Variants in TOP6BL observed in about 807,000 individuals in gnomAD.
TOP6BL encodes TOP6B like initiator of meiotic double strand breaks, also known as type 2 DNA topoisomerase 6 subunit B-like.
chr11:66,786,183 A>G, the TOP6BL span, among the ~76,000 whole-genome samples: 1 of 152,100 alleles, frequency 6.6e-6, no homozygotes, highest in Non-Finnish European at 1.5e-5. Flanking sequence ...CTGTGATCCT[A>G]CTTACTCAGG....
chr11:66,778,091 T>C, the TOP6BL span, among the ~76,000 whole-genome samples: 1 of 151,620 alleles, frequency 6.6e-6, no homozygotes, highest in African/African-American at 2.4e-5. Flanking sequence ...TTTCTTTTCT[T>C]TCTTTTTTTT....
At chr11:66,817,611 G>A in the TOP6BL span, among the ~76,000 whole-genome samples, 1 of 152,056 alleles carries the variant, frequency 6.6e-6, no homozygotes, top group African/African-American at 2.4e-5. Context: ...GCTAATTTTT[G>A]TATTTTTAGT....
chr11:66,834,417 T>G, the TOP6BL span, among the ~76,000 whole-genome samples: 1 of 152,152 alleles, frequency 6.6e-6, no homozygotes, highest in African/African-American at 2.4e-5. Flanking sequence ...AAATAACTTG[T>G]TAGTGGTACA....
the TOP6BL span, chr11:66,828,160 G>C: frequency 4.4e-6 from 3 of 685,082 alleles, no homozygotes; most frequent in African/African-American, 3.6e-5. Flanking sequence ...TTAATGGCTT[G>C]CCTACTGTCT....
the TOP6BL span, among the ~76,000 whole-genome samples, chr11:66,779,612 C>T: frequency 2.0e-5 from 3 of 152,122 alleles, no homozygotes; most frequent in African/African-American, 4.8e-5. Flanking sequence ...GGTGATTCCT[C>T]GGAGATCTAG....
At chr11:66,817,677 T>C in the TOP6BL span, among the ~76,000 whole-genome samples, 2 of 152,056 alleles carry the variant, frequency 1.3e-5, no homozygotes, top group Non-Finnish European at 2.9e-5. Flanking sequence ...GACCTCGTGA[T>C]CCACCCGCCT....
At chr11:66,827,662 TC>T in the TOP6BL span, among the ~76,000 whole-genome samples, 47 of 152,074 alleles carry the variant, frequency 3.1e-4, 1 homozygote, top group Admixed American at 2.5e-3. Context: ...GATATTTATC[TC>T]CTACAGAGAT....
chr11:66,819,673 G>A, the TOP6BL span, among the ~76,000 whole-genome samples: 14 of 152,020 alleles, frequency 9.2e-5, no homozygotes, highest in Admixed American at 5.2e-4. Flanking sequence ...AGGCCGAGGC[G>A]GGCGGATCAC....
At chr11:66,841,870 G>C in the TOP6BL span, among the ~76,000 whole-genome samples, 1 of 152,184 alleles carries the variant, frequency 6.6e-6, no homozygotes, top group African/African-American at 2.4e-5. Context: ...CTTTCAGCAA[G>C]AAATTCCCTT....
chr11:66,802,261 T>C, the TOP6BL span, among the ~76,000 whole-genome samples: 8 of 152,096 alleles, frequency 5.3e-5, no homozygotes, highest in Non-Finnish European at 1.0e-4. Context: ...CAAGCGATTC[T>C]CCTGCCTCAA....
chr11:66,836,432 A>G, the TOP6BL span, among the ~76,000 whole-genome samples: 1,348 of 151,712 alleles, frequency 8.9e-3, 23 homozygotes, highest in African/African-American at 0.03. Context: ...GATGGTCTCA[A>G]TCTCCTGATT....
the TOP6BL span, among the ~76,000 whole-genome samples, chr11:66,773,565 A>G: frequency 6.6e-6 from 1 of 151,994 alleles, no homozygotes; most frequent in Non-Finnish European, 1.5e-5. Flanking sequence ...TCTGGCTAGA[A>G]CCAGGTTCTT....
At chr11:66,791,208 G>A in the TOP6BL span, among the ~76,000 whole-genome samples, 11 of 152,206 alleles carry the variant, frequency 7.2e-5, no homozygotes, top group Admixed American at 7.2e-4. Flanking sequence ...GGCCTGCGAG[G>A]AAAGTCAATT....
the TOP6BL span, among the ~76,000 whole-genome samples, chr11:66,764,765 C>A: frequency 6.6e-6 from 1 of 151,728 alleles, no homozygotes; most frequent in African/African-American, 2.4e-5. Flanking sequence ...ATTGCTCGAG[C>A]CTTGGGCAGC....
At chr11:66,840,502 G>A in the TOP6BL span, among the ~76,000 whole-genome samples, 1 of 152,114 alleles carries the variant, frequency 6.6e-6, no homozygotes, top group African/African-American at 2.4e-5. Context: ...AGCAGGTCAA[G>A]CTCTCATTTC....
chr11:66,751,934 A>G, the TOP6BL span, among the ~76,000 whole-genome samples: 3 of 152,258 alleles, frequency 2.0e-5, no homozygotes, highest in Non-Finnish European at 4.4e-5. Flanking sequence ...AATCTACTCA[A>G]TATATTCCAG....
chr11:66,783,797 A>G, the TOP6BL span, among the ~76,000 whole-genome samples: 85 of 152,074 alleles, frequency 5.6e-4, no homozygotes, highest in Non-Finnish European at 9.8e-4. Context: ...AAAGTATACA[A>G]TTTGGTGGTT....
the TOP6BL span, among the ~76,000 whole-genome samples, chr11:66,759,633 G>C: frequency 6.6e-6 from 1 of 152,128 alleles, no homozygotes; most frequent in South Asian, 2.1e-4. Context: ...ACCCAGGCTG[G>C]AGTGCAGTGG....
the TOP6BL span, chr11:66,828,283 G>A: frequency 6.2e-7 from 1 of 1,613,664 alleles, no homozygotes; most frequent in Non-Finnish European, 8.5e-7. Context: ...ACACACAAGA[G>A]TTCAGGACCA....
Sources: gnomAD v4.1 joint callset for allele counts (sites outside exome capture counted in the v4.1 genomes callset) on GRCh38, gnomAD v4.1.1 for gene constraint, MANE v1.5 for transcripts, NCBI Gene and HGNC (gene_info 2026-07-23, HGNC 2026-07-21) for gene names.